The following TNFSF13B variants were observed in gnomAD, a reference collection of about 807,000 sequenced individuals.
TNFSF13B encodes the protein TNF superfamily member 13b.
In TNFSF13B, 8 loss-of-function variants were observed where a neutral mutation model predicts 29.1. The observed-to-expected ratio is 0.27, with a 90% CI of 0.16 to 0.50. TNFSF13B has a LOEUF of 0.50. Among genes scored for constraint, TNFSF13B ranks in the 20% least tolerant of loss-of-function variants. TNFSF13B has a pLI of 0.98. For synonymous variants in TNFSF13B, 125 were observed against 130.8 expected (o/e 0.96, Z 0.30); for missense variants, 248 against 334.9 (o/e 0.74, Z 2.03).
chr13:108,274,091 C>T (rs1321530383), intron 2 of TNFSF13B, among the ~76,000 whole-genome samples: 1 of 152,030 alleles, frequency 6.6e-6, no homozygotes, highest in Non-Finnish European at 1.5e-5. Context: ...TGTAAGAATA[C>T]ACTACATAAT....
intron 3 of TNFSF13B, chr13:108,302,780 C>A: frequency 1.0e-6 from 1 of 984,770 alleles, no homozygotes; most frequent in Non-Finnish European, 1.2e-6. Context: ...CCGTAGGCTC[C>A]CTTCTGTTGC....
intron 2 of TNFSF13B, among the ~76,000 whole-genome samples, chr13:108,284,860 G>A (rs1192097739): frequency 6.6e-6 from 1 of 152,178 alleles, no homozygotes; most frequent in Non-Finnish European, 1.5e-5. Flanking sequence ...GTTGAATGTG[G>A]CTACTACTGT....
chr13:108,291,344 A>G (rs1380381433), intron 3 of TNFSF13B, among the ~76,000 whole-genome samples: 1 of 151,914 alleles, frequency 6.6e-6, no homozygotes, highest in Non-Finnish European at 1.5e-5. Flanking sequence ...TAACAGATGT[A>G]CAGATCAAAT....
At chr13:108,298,634 C>T (rs1881519858) in intron 3 of TNFSF13B, among the ~76,000 whole-genome samples, 1 of 145,064 alleles carries the variant, frequency 6.9e-6, no homozygotes, top group East Asian at 1.9e-4. Flanking sequence ...TCTATATATT[C>T]TTTAGACTCA....
chr13:108,273,239 T>G (rs576600890), intron 2 of TNFSF13B, among the ~76,000 whole-genome samples: 1 of 152,236 alleles, frequency 6.6e-6, no homozygotes, highest in African/African-American at 2.4e-5. Context: ...GGTGGATTTT[T>G]TTTTTCAATA....
intron 3 of TNFSF13B, among the ~76,000 whole-genome samples, chr13:108,290,420 G>A (rs554740946): frequency 6.6e-6 from 1 of 152,196 alleles, no homozygotes; most frequent in Non-Finnish European, 1.5e-5. Context: ...ATTGCTAAGT[G>A]GTCCTATAGG....
intron 2 of TNFSF13B, among the ~76,000 whole-genome samples, chr13:108,282,707 T>A (rs960353129): frequency 6.6e-6 from 1 of 152,310 alleles, no homozygotes; most frequent in Non-Finnish European, 1.5e-5. Context: ...AATTCTCTTA[T>A]GCTGTAAAAC....
At chr13:108,274,818 A>T (rs1206492031) in intron 2 of TNFSF13B, among the ~76,000 whole-genome samples, 1 of 152,144 alleles carries the variant, frequency 6.6e-6, no homozygotes, top group Non-Finnish European at 1.5e-5. Context: ...TTAATTGTCT[A>T]CATGTTTTAG....
chr13:108,284,059 A>T (rs1008154100), intron 2 of TNFSF13B, among the ~76,000 whole-genome samples: 1 of 152,184 alleles, frequency 6.6e-6, no homozygotes, highest in Non-Finnish European at 1.5e-5. Context: ...GGCCGGGCGC[A>T]GTGGCTCACG....
chr13:108,272,808 A>C (rs895056122), intron 2 of TNFSF13B, among the ~76,000 whole-genome samples: 2 of 152,024 alleles, frequency 1.3e-5, no homozygotes, highest in African/African-American at 4.8e-5. Flanking sequence ...TTCACTGCTA[A>C]TATCCCCGTT....
chr13:108,306,145 T>C (rs1881769771), intron 5 of TNFSF13B, among the ~76,000 whole-genome samples: 1 of 152,120 alleles, frequency 6.6e-6, no homozygotes, highest in Non-Finnish European at 1.5e-5. Context: ...TTTGTCCTTG[T>C]AAATTAGTTG....
Position 108,274,559 on chromosome 13 carries a change from C to T in TNFSF13B, c.424+4135C>T, listed in dbSNP as rs539326639. On this transcript the variant is annotated intron_variant, in intron 2 of 5. Transcript: ENST00000375887. ...TTAGGAAATTCATTTGAATGTTGTTCTAGATACTATTCTTTGGTGGAGGGA... is the reference window on the plus strand; with the variant it reads ...TTAGGAAATTCATTTGAATGTTGTTTTAGATACTATTCTTTGGTGGAGGGA... 3.9e-5 allele frequency among the ~76,000 whole-genome samples: 6 copies of T among 152,038 alleles called. No individual in the cohort carries two copies. The South Asian group carries it at 1.2e-3, about 32-fold the overall frequency.
intron 3 of TNFSF13B, 75 bp from the exon 4 acceptor site, chr13:108,303,178 T>A: frequency 1.1e-6 from 1 of 933,750 alleles, no homozygotes; most frequent in South Asian, 1.7e-5. Context: ...GTTTCAGAGG[T>A]AGCTTAACAA....
intron 3 of TNFSF13B, among the ~76,000 whole-genome samples, chr13:108,291,515 T>A (rs1173649161): frequency 1.3e-5 from 2 of 151,942 alleles, no homozygotes; most frequent in Non-Finnish European, 2.9e-5. Flanking sequence ...TTTTCTTTCA[T>A]TATATTTTCC....
At chr13:108,298,705 G>A (rs1261835286) in intron 3 of TNFSF13B, among the ~76,000 whole-genome samples, 4 of 145,386 alleles carry the variant, frequency 2.8e-5, no homozygotes, top group African/African-American at 1.0e-4. Flanking sequence ...ACCTGGGCAC[G>A]GTAGCTCATG....
At chr13:108,295,540 T>C (rs574714744) in intron 3 of TNFSF13B, among the ~76,000 whole-genome samples, 1 of 145,012 alleles carries the variant, frequency 6.9e-6, no homozygotes, top group Admixed American at 6.8e-5. Context: ...ACCTTCTTTA[T>C]TATATTATCT....
rs751758619 is a variant in TNFSF13B, at chr13:108,303,597, T to C, written c.738T>C (p.Tyr246=). ...AAACACTACCCAATAATTCCTGCTA[T>C]TCAGCTGGTAAATATTAGTTCTCAC... is the stretch of plus-strand genomic sequence containing the variant. The part of the protein sequence containing the change: ...MPETLPNNSC[Y]SAGIAKLEEG... Residue 246 remains tyrosine, a synonymous_variant, in exon 5 of 6, where the codon TAT becomes TAC. Coordinates refer to ENST00000375887, the MANE Select transcript of TNFSF13B (RefSeq NM_006573.5). 1.9e-6 allele frequency: 3 copies of C among 1,611,812 alleles called. No homozygotes were observed. The African/African-American group carries it at 4.0e-5, about 22-fold the overall frequency.
chr13:108,302,610 G>T (rs935790253), intron 3 of TNFSF13B, among the ~76,000 whole-genome samples: 1 of 152,140 alleles, frequency 6.6e-6, no homozygotes, highest in Non-Finnish European at 1.5e-5. Context: ...GAGCACAGTG[G>T]TCTCCTTGTC....
At chr13:108,288,495 T>C (rs1340601933) in intron 3 of TNFSF13B, among the ~76,000 whole-genome samples, 1 of 152,178 alleles carries the variant, frequency 6.6e-6, no homozygotes, top group Non-Finnish European at 1.5e-5. Flanking sequence ...TAGTCTACAA[T>C]TGGGCAAAAT....
Sources: allele counts gnomAD v4.1 joint callset (sites outside exome capture counted in the v4.1 genomes callset), GRCh38; gene constraint gnomAD v4.1.1; transcripts MANE v1.5; gene names NCBI Gene and HGNC (gene_info 2026-07-23, HGNC 2026-07-21).